The following SLC35F1 variants were observed in gnomAD, a reference collection of about 807,000 sequenced individuals.
The protein encoded by SLC35F1 is solute carrier family 35 member F1.
A neutral mutation model predicts 48.7 loss-of-function variants in SLC35F1; 14 were observed. The observed-to-expected ratio is 0.29, with a 90% CI of 0.19 to 0.45. The LOEUF (loss-of-function observed/expected upper bound fraction) is 0.45, where lower values mean the gene tolerates loss of function less well. SLC35F1 is among the 20% of genes least tolerant of loss of function. The probability of loss-of-function intolerance (pLI) is 1.00; values close to 1 mark genes in which losing one functional copy is unlikely to be tolerated. For synonymous variants in SLC35F1, 190 were observed against 202.2 expected (o/e 0.94, Z 0.51); for missense variants, 404 against 500.0 (o/e 0.81, Z 1.83).
intron 2 of SLC35F1, among the ~76,000 whole-genome samples, chr6:118,168,678 A>G (rs1295880463): frequency 1.3e-5 from 2 of 152,150 alleles, no homozygotes; most frequent in Non-Finnish European, 2.9e-5. Flanking sequence ...GGTCTACAGC[A>G]ACTGACTTCA....
chr6:118,049,883 A>G (rs1772359755), intron 1 of SLC35F1, among the ~76,000 whole-genome samples: 1 of 152,118 alleles, frequency 6.6e-6, no homozygotes, highest in African/African-American at 2.4e-5. Flanking sequence ...CCAAAGGATT[A>G]TAAATCATGC....
chr6:118,121,487 G>T (rs1398533132), intron 1 of SLC35F1, among the ~76,000 whole-genome samples: 1 of 152,188 alleles, frequency 6.6e-6, no homozygotes, highest in African/African-American at 2.4e-5. Flanking sequence ...GCAGAGCAAA[G>T]ATGTGAACCC....
intron 2 of SLC35F1, among the ~76,000 whole-genome samples, chr6:118,168,294 T>C (rs764379100): frequency 2.6e-5 from 4 of 152,106 alleles, no homozygotes; most frequent in Non-Finnish European, 5.9e-5. Flanking sequence ...TCCCCCCTTA[T>C]TCTCATGGAA....
intron 5 of SLC35F1, among the ~76,000 whole-genome samples, chr6:118,275,952 T>C (rs968465261): frequency 6.6e-6 from 1 of 152,162 alleles, no homozygotes; most frequent in African/African-American, 2.4e-5. Flanking sequence ...CCCAATTCAA[T>C]GCATTTCCAA....
At chr6:118,055,802 G>C (rs530048259) in intron 1 of SLC35F1, among the ~76,000 whole-genome samples, 10 of 152,312 alleles carry the variant, frequency 6.6e-5, no homozygotes, top group African/African-American at 2.4e-4. Flanking sequence ...GCTCACATGC[G>C]TAAGCTGCTA....
chr6:118,107,830 A>T (rs2114376982), intron 1 of SLC35F1, among the ~76,000 whole-genome samples: 1 of 152,178 alleles, frequency 6.6e-6, no homozygotes, highest in Admixed American at 6.6e-5. Context: ...GTTAGGGATC[A>T]AGGAAAAATT....
chr6:118,264,523 A>G (rs1416120203), intron 3 of SLC35F1, among the ~76,000 whole-genome samples: 1 of 152,212 alleles, frequency 6.6e-6, no homozygotes, highest in Non-Finnish European at 1.5e-5. Flanking sequence ...AACTCAAACC[A>G]TTAGAGGAAT....
intron 1 of SLC35F1, among the ~76,000 whole-genome samples, chr6:118,026,792 C>T (rs1771954945): frequency 6.6e-6 from 1 of 151,990 alleles, no homozygotes; most frequent in Non-Finnish European, 1.5e-5. Context: ...TAAAAAGAAG[C>T]CTTGGTTTTT....
At chr6:118,188,748 A>G (rs769209651) in intron 2 of SLC35F1, among the ~76,000 whole-genome samples, 2 of 152,128 alleles carry the variant, frequency 1.3e-5, no homozygotes. Context: ...CGTTGTTTCC[A>G]TATCTTGGCT....
At chr6:118,020,940 T>C (rs1430773626) in intron 1 of SLC35F1, among the ~76,000 whole-genome samples, 1 of 152,094 alleles carries the variant, frequency 6.6e-6, no homozygotes, top group Non-Finnish European at 1.5e-5. Context: ...TAGGGGAGAA[T>C]TATAGGGGTC....
At chr6:118,137,855 T>C (rs1773820215) in intron 1 of SLC35F1, among the ~76,000 whole-genome samples, 1 of 152,172 alleles carries the variant, frequency 6.6e-6, no homozygotes, top group Non-Finnish European at 1.5e-5. Flanking sequence ...CCCAACTTGA[T>C]AGTTCTGTGC....
chr6:118,271,375 A>G lies in SLC35F1; in HGVS notation c.638-4084A>G, dbSNP rs959888650. Among the ~76,000 whole-genome samples the G allele has an allele frequency of 1.1e-4, 16 of 152,196 alleles. 1 individual carries two copies. The highest frequency in any genetic ancestry group is 1.0e-3 in the Admixed American group (16 of 15,272). ...TGTGACTTCTACAACAAATGTAAAGACGTTTTATCATAGTAAATTAGTGTA... is the reference window on the plus strand; with the variant it reads ...TGTGACTTCTACAACAAATGTAAAGGCGTTTTATCATAGTAAATTAGTGTA... On this transcript the variant is annotated intron_variant, in intron 4 of 7. Coordinates refer to ENST00000360388, the MANE Select transcript of SLC35F1 (RefSeq NM_001029858.4).
rs1776432295 is a variant in SLC35F1, at chr6:118,315,963, G to C, written c.*1711G>C. On this transcript the variant is annotated 3_prime_UTR_variant, in exon 8 of 8. Coordinates refer to ENST00000360388, the MANE Select transcript of SLC35F1 (RefSeq NM_001029858.4). Reference sequence around the variant, plus strand: ...AATACCATTCAAAAAGATCCTCAATGGAGTTACAGGGTTTATAGGGGAAAA... The same window carrying C: ...AATACCATTCAAAAAGATCCTCAATCGAGTTACAGGGTTTATAGGGGAAAA... 1 of 152,174 alleles carries C rather than the reference G, an allele frequency of 6.6e-6. No homozygotes were observed. The highest frequency in any genetic ancestry group is 2.1e-4 in the South Asian group (1 of 4,826). 9.4% of individuals were successfully genotyped at this position (152,174 alleles called of 1,614,324 possible). A position where few individuals can be genotyped will look rare whatever the true frequency, so the allele number is the denominator to read the frequency against.
intron 2 of SLC35F1, among the ~76,000 whole-genome samples, chr6:118,190,822 A>G (rs1467183211): frequency 2.0e-5 from 3 of 152,190 alleles, no homozygotes; most frequent in Non-Finnish European, 2.9e-5. Context: ...TACTTGCTTA[A>G]CTAAGCACTC....
At chr6:118,009,794 A>G (rs1404922526) in intron 1 of SLC35F1, among the ~76,000 whole-genome samples, 1 of 152,118 alleles carries the variant, frequency 6.6e-6, no homozygotes, top group Non-Finnish European at 1.5e-5. Flanking sequence ...CATTTTCTTA[A>G]AAGATTTCTA....
chr6:118,083,225 T>A (rs1313218348), intron 1 of SLC35F1, among the ~76,000 whole-genome samples: 2 of 152,174 alleles, frequency 1.3e-5, no homozygotes, highest in Admixed American at 1.3e-4. Context: ...AAATGGAAAC[T>A]AAATTTTACT....
chr6:118,035,851 C>T (rs1014313856), intron 1 of SLC35F1, among the ~76,000 whole-genome samples: 29 of 150,780 alleles, frequency 1.9e-4, no homozygotes, highest in African/African-American at 4.1e-4. Flanking sequence ...CAACCACGCC[C>T]GGCTAATTTT....
intron 1 of SLC35F1, among the ~76,000 whole-genome samples, chr6:118,036,088 T>A (rs1331726570): frequency 6.6e-6 from 1 of 152,218 alleles, no homozygotes; most frequent in Non-Finnish European, 1.5e-5. Flanking sequence ...TTATTTTAAG[T>A]TTACATTGTT....
At chr6:118,036,334 T>C (rs1191622826) in intron 1 of SLC35F1, among the ~76,000 whole-genome samples, 1 of 152,222 alleles carries the variant, frequency 6.6e-6, no homozygotes, top group East Asian at 1.9e-4. Flanking sequence ...ATTCCTGATA[T>C]CTCAATACTA....
Sources: allele counts gnomAD v4.1 joint callset (sites outside exome capture counted in the v4.1 genomes callset), GRCh38; gene constraint gnomAD v4.1.1; transcripts MANE v1.5; gene names NCBI Gene and HGNC (gene_info 2026-07-23, HGNC 2026-07-21).